Variants in ACAN observed in about 807,000 individuals in gnomAD.
The protein encoded by ACAN is aggrecan core protein.
ACAN carries 47 observed loss-of-function variants against 169.1 expected under a neutral mutation model. The ratio of observed to expected loss-of-function variants is 0.28; its 90% confidence interval spans 0.22 to 0.35. The LOEUF (loss-of-function observed/expected upper bound fraction) is 0.35. Among genes scored for constraint, ACAN ranks in the 10% least tolerant of loss-of-function variants. ACAN has a pLI of 1.00. For missense variants in ACAN, 2,716 were observed against 2,759.9 expected (o/e 0.98, Z 0.36); for synonymous variants, 1,115 against 1,112.2 (o/e 1.00, Z -0.05).
Position 88,854,916 on chromosome 15 carries a change from A to G in ACAN, c.2331A>G (p.Ala777=). The change falls in exon 12 of 19, where the codon GCA becomes GCG. Residue 777 remains alanine (A), a synonymous_variant. Transcript: ENST00000560601. ...AGGAAAGTACAGAAGGCCCTTCTGC[A>G]ACTGAAGTGCCCTCTGCCTCAGAGG... ...ATEESTEGPS[A]TEVPSASEEP... 2 of 1,584,566 alleles carry G rather than the reference A, an allele frequency of 1.3e-6. No homozygotes were observed. The highest frequency in any genetic ancestry group is 8.6e-7 in the Non-Finnish European group (1 of 1,167,784).
intron 1 of ACAN, among the ~76,000 whole-genome samples, chr15:88,823,680 C>T (rs1596119512): frequency 6.6e-6 from 1 of 152,186 alleles, no homozygotes; most frequent in Non-Finnish European, 1.5e-5. Flanking sequence ...GGAAGCACCA[C>T]TGGCCTTCCT....
rs955993353 is a variant in ACAN, at chr15:88,825,491, G to A, written c.-7-10709G>A. On this transcript the variant is annotated intron_variant, in intron 1 of 18. Transcript: ENST00000560601. Reference sequence around the variant, plus strand: ...ATAGTACATTATGAGTCAAAGGTATGAATTCAGGTTGTGTTCTTAAGATAC... The same window carrying A: ...ATAGTACATTATGAGTCAAAGGTATAAATTCAGGTTGTGTTCTTAAGATAC... 3.9e-5 allele frequency among the ~76,000 whole-genome samples: 6 copies of A among 152,298 alleles called. No homozygotes were observed. The East Asian group carries it at 9.6e-4, about 24-fold the overall frequency.
At chr15:88,827,073 C>T (rs1034430569) in intron 1 of ACAN, among the ~76,000 whole-genome samples, 3 of 152,146 alleles carry the variant, frequency 2.0e-5, no homozygotes, top group African/African-American at 7.2e-5. Flanking sequence ...TCCTGACATA[C>T]AGCAGGCCCT....
chr15:88,831,504 G>A (rs747055400), intron 1 of ACAN, among the ~76,000 whole-genome samples: 3 of 152,192 alleles, frequency 2.0e-5, no homozygotes, highest in African/African-American at 2.4e-5. Context: ...TAAGACGTAC[G>A]GGCTGCCATT....
At chr15:88,806,477 A>G (rs4932200) in intron 1 of ACAN, among the ~76,000 whole-genome samples, 83,147 of 151,666 alleles carry the variant, frequency 0.55, 23,459 homozygotes, top group East Asian at 0.9. Flanking sequence ...TCAGCCTCCC[A>G]AGTAGCTGGG....
Position 88,839,935 on chromosome 15 carries a change from A to G in ACAN, c.455-77A>G, listed in dbSNP as rs1896605570. The G allele has an allele frequency of 6.6e-6, 10 of 1,517,744 alleles. No individual in the cohort carries two copies. The South Asian group carries it at 1.2e-4, about 19-fold the overall frequency. The allele number at this position is 1,517,744 out of a possible 1,614,324, so 94.0% of individuals were successfully genotyped here. On this transcript the variant is annotated intron_variant, in intron 3 of 18. Coordinates refer to ENST00000560601, the MANE Select transcript of ACAN (RefSeq NM_001369268.1). This position sits in a 1 kb window ranked among gnomAD's most constrained non-coding sequence, Gnocchi z 4.5. ...CTAAGGTCCCTTTGACTATTGCCAT[A>G]ATTCTGCGAGGGCCTCGGTGATCAG...
Position 88,858,419 on chromosome 15 carries a change from T to C in ACAN, c.5834T>C (p.Val1945Ala). Residue 1945 changes from valine to alanine, a missense_variant, in exon 12 of 19, where the codon GTA (valine) becomes GCA (alanine). Transcript: ENST00000560601. The surrounding 1 kb of genome is among the most constrained non-coding windows in gnomAD (Gnocchi z 4.0). The part of the protein sequence containing the change: ...SLVDRTLVES[V>A]TQAPTAQEAG... ...GTAGACAGAACTTTGGTGGAATCTG[T>C]AACCCAGGCTCCAACAGCCCAAGAG... 6.2e-7 allele frequency: 1 copy of C among 1,613,710 alleles called. No homozygotes were observed. The highest frequency in any genetic ancestry group is 8.5e-7 in the Non-Finnish European group (1 of 1,179,888).
intron 1 of ACAN, among the ~76,000 whole-genome samples, chr15:88,809,945 G>T (rs905267662): frequency 6.6e-6 from 1 of 152,214 alleles, no homozygotes; most frequent in African/African-American, 2.4e-5. Context: ...GATAAAGTAA[G>T]GCCTAACTAA....
Position 88,839,512 on chromosome 15 carries a change from A to G in ACAN, c.454+466A>G, listed in dbSNP as rs1163937213. Among the ~76,000 whole-genome samples, 1 of 152,176 alleles carries G rather than the reference A, an allele frequency of 6.6e-6. No individual in the cohort carries two copies. The highest frequency in any genetic ancestry group is 2.4e-5 in the African/African-American group (1 of 41,450). On this transcript the variant is annotated intron_variant, in intron 3 of 18. Coordinates refer to ENST00000560601, the MANE Select transcript of ACAN (RefSeq NM_001369268.1). The surrounding 1 kb of genome is among the most constrained non-coding windows in gnomAD (Gnocchi z 4.5). ...CTCTTTCTCTCCATGGCCCAAGGAG[A>G]ACAGTCAGGTCTTTGGTTAGCTTCA...
chr15:88,842,619 C>T (rs1488665556), intron 5 of ACAN, among the ~76,000 whole-genome samples: 1 of 152,054 alleles, frequency 6.6e-6, no homozygotes, highest in East Asian at 1.9e-4. Context: ...GCTTTCTCAC[C>T]ATCGTAGGCC....
At position 88,872,925 on chromosome 15, in the gene ACAN, C is replaced by T. The variant is rs141037246; in HGVS notation, c.7347C>T (p.Ala2449=). The T allele has an allele frequency of 3.5e-4, 564 of 1,613,788 alleles. 5 individuals carry two copies. The East Asian group carries it at 9.8e-3, about 28-fold the overall frequency. Residue 2449 remains alanine (A), a synonymous_variant, in exon 17 of 19, where the codon GCC becomes GCT. Coordinates refer to ENST00000560601, the MANE Select transcript of ACAN (RefSeq NM_001369268.1). This position sits in a 1 kb window ranked among gnomAD's most constrained non-coding sequence, Gnocchi z 5.4. The part of the protein sequence containing the change: ...WRPNQPDNFF[A]AGEDCVVMIW... Reference sequence around the variant, plus strand: ...CCAACCAGCCTGACAACTTTTTTGCCGCTGGAGAGGACTGTGTGGTGATGA... The same window carrying T: ...CCAACCAGCCTGACAACTTTTTTGCTGCTGGAGAGGACTGTGTGGTGATGA...
intron 1 of ACAN, among the ~76,000 whole-genome samples, chr15:88,815,605 A>G (rs1189450986): frequency 2.7e-5 from 4 of 150,606 alleles, no homozygotes; most frequent in Non-Finnish European, 1.5e-5. Flanking sequence ...GGTCTTAAAA[A>G]AAAAAAAACC....
chr15:88,867,192 T>C (rs994897898), intron 13 of ACAN, among the ~76,000 whole-genome samples: 1 of 152,204 alleles, frequency 6.6e-6, no homozygotes, highest in African/African-American at 2.4e-5. Flanking sequence ...GATGAGGAGA[T>C]TTAGTTCTCA....
At chr15:88,842,849 T>G (rs1896700261) in intron 5 of ACAN, among the ~76,000 whole-genome samples, 2 of 152,184 alleles carry the variant, frequency 1.3e-5, no homozygotes, top group South Asian at 4.1e-4. Flanking sequence ...TGGGAAATTT[T>G]TTTTAAGCTC....
At position 88,857,462 on chromosome 15, in the gene ACAN, C is replaced by T. The variant is rs753824539; in HGVS notation, c.4877C>T (p.Pro1626Leu). 3 of 1,613,896 alleles carry T rather than the reference C, an allele frequency of 1.9e-6. No individual in the cohort carries two copies. Among genetic ancestry groups the T allele is most frequent in the South Asian group, 2.2e-5 (2 of 91,084 alleles). Residue 1626 changes from proline to leucine, a missense_variant, in exon 12 of 19, where the codon CCC becomes CTC. By Grantham distance (98) the Pro-to-Leu change is moderately conservative (BLOSUM62 -3). Around this residue, in one of 3 missense-constraint regions of ACAN, gnomAD observed 1,389 missense variants for 1,363.7 expected, o/e 1.02. Coordinates refer to ENST00000560601, the MANE Select transcript of ACAN (RefSeq NM_001369268.1). ...SGQAPETSGL[P>L]SGFSGEYSGV... Reference sequence around the variant, plus strand: ...CAAGCTCCAGAAACAAGTGGTCTTCCCTCTGGATTTAGTGGTGAGTATTCT... The same window carrying T: ...CAAGCTCCAGAAACAAGTGGTCTTCTCTCTGGATTTAGTGGTGAGTATTCT...
Position 88,855,240 on chromosome 15 carries a change from G to A in ACAN, c.2655G>A (p.Gln885=). ...DVSGHLDFSG[Q]LSGDRASGLP... is the part of the protein sequence containing the mutation. ...CAGGACACCTTGACTTCAGTGGGCA[G>A]CTGTCAGGGGACAGGGCAAGTGGAC... Residue 885 remains glutamine, a synonymous_variant, in exon 12 of 19, where the codon CAG becomes CAA. Transcript: ENST00000560601. 6.2e-7 allele frequency: 1 copy of A among 1,604,660 alleles called. No homozygotes were observed. Among genetic ancestry groups the A allele is most frequent in the Non-Finnish European group, 8.5e-7 (1 of 1,172,564 alleles).
chr15:88,834,100 A>T (rs1461928225), intron 1 of ACAN, among the ~76,000 whole-genome samples: 2 of 152,302 alleles, frequency 1.3e-5, no homozygotes, highest in East Asian at 3.9e-4. Context: ...ATGGTGCCAC[A>T]GCCTGCAGCC....
chr15:88,860,038 G>A (rs1477288186), intron 12 of ACAN, among the ~76,000 whole-genome samples: 5 of 151,300 alleles, frequency 3.3e-5, no homozygotes, highest in African/African-American at 2.4e-5. Flanking sequence ...TCCAAGTGCC[G>A]GGCAGCGGGC....
chr15:88,809,525 G>A (rs1263578395), intron 1 of ACAN, among the ~76,000 whole-genome samples: 2 of 152,176 alleles, frequency 1.3e-5, no homozygotes, highest in South Asian at 2.1e-4. Context: ...CCAGGGCCAG[G>A]CACATACAAC....
Sources: gnomAD v4.1 joint callset for allele counts (sites outside exome capture counted in the v4.1 genomes callset) on GRCh38, gnomAD v4.1.1 for gene constraint, gnomAD v4.1.1 regional missense constraint, Gnocchi (gnomAD v3.1) non-coding constraint, MANE v1.5 for transcripts, NCBI Gene and HGNC (gene_info 2026-07-23, HGNC 2026-07-21) for gene names.